GALNT10: variants seen among roughly 807,000 people sequenced by gnomAD.
The protein encoded by GALNT10 is polypeptide N-acetylgalactosaminyltransferase 10, also known as GalNAc transferase 10.
Under a neutral mutation model 75.0 loss-of-function variants are expected in GALNT10, and 41 were observed. That is an observed-to-expected ratio of 0.55 (90% CI 0.43 to 0.71). GALNT10 has a LOEUF of 0.71. GALNT10 is among the 30% of genes least tolerant of loss of function. The pLI, the probability that GALNT10 is intolerant of heterozygous loss-of-function variation, is 0.00. For synonymous variants in GALNT10, 302 were observed against 313.0 expected, an observed-to-expected ratio of 0.96 and a Z score of 0.37; for missense variants, 727 against 818.5, an observed-to-expected ratio of 0.89 and a Z score of 1.36.
intron 1 of GALNT10, among the ~76,000 whole-genome samples, chr5:154,199,736 A>G (rs1774997649): frequency 6.6e-6 from 1 of 151,824 alleles, no homozygotes; most frequent in African/African-American, 2.4e-5. Context: ...TATTGTGGAG[A>G]CCCTGTAAAC....
intron 3 of GALNT10, among the ~76,000 whole-genome samples, chr5:154,310,306 T>C (rs953789441): frequency 6.6e-6 from 1 of 152,134 alleles, no homozygotes; most frequent in Non-Finnish European, 1.5e-5. Flanking sequence ...TCAAGAGCAA[T>C]GCAGCCTCCC....
chr5:154,329,829 C>T, intron 4 of GALNT10, 91 bp downstream of exon 4: 5 of 849,844 alleles, frequency 5.9e-6, no homozygotes, highest in Non-Finnish European at 9.5e-6. Flanking sequence ...TTAGCAGCAT[C>T]AACATATAGG....
intron 3 of GALNT10, among the ~76,000 whole-genome samples, chr5:154,320,000 A>G (rs551905760): frequency 6.6e-6 from 1 of 152,346 alleles, no homozygotes; most frequent in East Asian, 1.9e-4. Flanking sequence ...GGGCAGGTCT[A>G]TAGAGCCAGG....
At chr5:154,312,359 T>C (rs1172343536) in intron 3 of GALNT10, among the ~76,000 whole-genome samples, 2 of 152,172 alleles carry the variant, frequency 1.3e-5, no homozygotes, top group Non-Finnish European at 1.5e-5. Flanking sequence ...CTCCCCTCTC[T>C]ATCCCCCCAC....
At chr5:154,316,394 G>A (rs1273255614) in intron 3 of GALNT10, among the ~76,000 whole-genome samples, 1 of 152,132 alleles carries the variant, frequency 6.6e-6, no homozygotes, top group East Asian at 1.9e-4. Context: ...AAAACAGAAG[G>A]GTTGGACGAG....
intron 1 of GALNT10, among the ~76,000 whole-genome samples, chr5:154,228,028 C>T (rs929630175): frequency 6.6e-5 from 10 of 152,080 alleles, no homozygotes; most frequent in African/African-American, 2.2e-4. Flanking sequence ...CACCTCCCCT[C>T]CCAGCCATTT....
chr5:154,333,256 A>T (rs1215197937), intron 4 of GALNT10, among the ~76,000 whole-genome samples: 1 of 152,228 alleles, frequency 6.6e-6, no homozygotes, highest in Non-Finnish European at 1.5e-5. Flanking sequence ...CAGTAGGCAG[A>T]CTTAACCAGG....
chr5:154,412,824 G>C lies in GALNT10; in HGVS notation c.1387-65G>C. 1 of 1,084,012 alleles carries C rather than the reference G, an allele frequency of 9.2e-7. No homozygotes were observed. Among genetic ancestry groups the C allele is most frequent in the Non-Finnish European group, 1.4e-6 (1 of 699,396 alleles). The allele number at this position is 1,084,012 out of a possible 1,614,324, so 67.1% of individuals were successfully genotyped here. The stretch of plus-strand genomic sequence containing the variant: ...TCCCACTTGGTTTCCCCTTTCACCT[G>C]GCAGGGACCCGGTGGGCACCTTAAG... On this transcript the variant is annotated intron_variant, in intron 9 of 11. Coordinates refer to ENST00000297107, the MANE Select transcript of GALNT10 (RefSeq NM_198321.4). This position sits in a 1 kb window ranked among gnomAD's most constrained non-coding sequence, Gnocchi z 4.2.
chr5:154,372,145 CCTGCCACTTA>C (rs1348049362), intron 4 of GALNT10, among the ~76,000 whole-genome samples: 4 of 152,190 alleles, frequency 2.6e-5, no homozygotes, highest in Non-Finnish European at 4.4e-5. Flanking sequence ...TAATCCAATA[CCTGCCACTTA>C]CTGTGTGGAG....
At position 154,319,943 on chromosome 5, in the gene GALNT10, C is replaced by T. The variant is rs79304970; in HGVS notation, c.402-9629C>T. ...CTGTGATCTGCAGCCTAATAAGAGGCGGAGAAAAGGGGCTTTGCTTGGGCT... is the reference window on the plus strand; with the variant it reads ...CTGTGATCTGCAGCCTAATAAGAGGTGGAGAAAAGGGGCTTTGCTTGGGCT... On this transcript the variant is annotated intron_variant, in intron 3 of 11. Coordinates refer to ENST00000297107, the MANE Select transcript of GALNT10 (RefSeq NM_198321.4). 1.8e-3 allele frequency among the ~76,000 whole-genome samples: 269 copies of T among 152,224 alleles called. 1 individual carries two copies. The highest frequency in any genetic ancestry group is 6.1e-3 in the African/African-American group (252 of 41,512).
intron 1 of GALNT10, among the ~76,000 whole-genome samples, chr5:154,197,742 A>C (rs1005722364): frequency 6.6e-6 from 1 of 152,200 alleles, no homozygotes; most frequent in Non-Finnish European, 1.5e-5. Context: ...AATAGCAGTT[A>C]CCATTTATTT....
intron 1 of GALNT10, among the ~76,000 whole-genome samples, chr5:154,212,311 A>G (rs1282824029): frequency 6.6e-6 from 1 of 152,226 alleles, no homozygotes; most frequent in Non-Finnish European, 1.5e-5. Flanking sequence ...TGATGTTGTC[A>G]TACAATGGTA....
At chr5:154,253,072 T>C (rs1461972189) in intron 1 of GALNT10, among the ~76,000 whole-genome samples, 4 of 151,476 alleles carry the variant, frequency 2.6e-5, no homozygotes, top group Admixed American at 6.6e-5. Flanking sequence ...TTCTAGTTCT[T>C]TGCTGAATTT....
rs1180633187 is a variant in GALNT10 at position 154,359,156 on chromosome 5, T to C, written c.569-17121T>C. Among the ~76,000 whole-genome samples, 11 of 152,236 alleles carry C rather than the reference T, an allele frequency of 7.2e-5. No homozygotes were observed. In the East Asian group the frequency reaches 2.1e-3, roughly 29 times the overall value. The stretch of plus-strand genomic sequence containing the variant: ...TGGGGCTTTCTCCTGAAGGGCTGTC[T>C]CCTCCTTCATGTACCATTAACGCCA... On this transcript the variant is annotated intron_variant, in intron 4 of 11. Coordinates refer to ENST00000297107, the MANE Select transcript of GALNT10 (RefSeq NM_198321.4).
chr5:154,293,105 T>C (rs1463813432), intron 1 of GALNT10, among the ~76,000 whole-genome samples: 3 of 152,216 alleles, frequency 2.0e-5, no homozygotes, highest in Non-Finnish European at 4.4e-5. Context: ...GTTATAAAGA[T>C]GTTGAGCCAT....
chr5:154,207,448 C>T (rs1429437448), intron 1 of GALNT10, among the ~76,000 whole-genome samples: 1 of 152,182 alleles, frequency 6.6e-6, no homozygotes, highest in Non-Finnish European at 1.5e-5. Context: ...GACTGGCCTA[C>T]AGAGTCCTGG....
intron 1 of GALNT10, among the ~76,000 whole-genome samples, chr5:154,201,883 C>T (rs1299427505): frequency 6.6e-6 from 1 of 151,490 alleles, no homozygotes; most frequent in Non-Finnish European, 1.5e-5. Flanking sequence ...GAGCTGAGAT[C>T]GCACCACTGC....
chr5:154,205,554 T>A (rs12654449), intron 1 of GALNT10, among the ~76,000 whole-genome samples: 67,334 of 151,986 alleles, frequency 0.44, 15,766 homozygotes, highest in East Asian at 0.78. Context: ...GGTTGAATCA[T>A]GTCTCTCAAA....
intron 1 of GALNT10, among the ~76,000 whole-genome samples, chr5:154,216,874 G>C (rs899304210): frequency 2.0e-5 from 3 of 152,096 alleles, no homozygotes; most frequent in Non-Finnish European, 4.4e-5. Context: ...TTACTTGTGA[G>C]TAGACCCTGG....
Sources: gnomAD v4.1 joint callset for allele counts (sites outside exome capture counted in the v4.1 genomes callset) on GRCh38, gnomAD v4.1.1 for gene constraint, Gnocchi (gnomAD v3.1) non-coding constraint, MANE v1.5 for transcripts, NCBI Gene and HGNC (gene_info 2026-07-23, HGNC 2026-07-21) for gene names.